Variants in SPACA7 observed in about 807,000 individuals in gnomAD.
SPACA7 encodes sperm acrosome-associated protein 7.
SPACA7 carries 19 observed loss-of-function variants against 26.3 expected under a neutral mutation model. The ratio of observed to expected loss-of-function variants is 0.72; its 90% CI spans 0.50 to 1.06. SPACA7 has a LOEUF of 1.06. Ranked by LOEUF, SPACA7 falls within the 50% of genes least tolerant of loss-of-function variation. The probability of loss-of-function intolerance (pLI) is 0.00; values close to 1 mark genes in which losing one functional copy is unlikely to be tolerated. For synonymous variants in SPACA7, 84 were observed against 84.5 expected (o/e 0.99, Z 0.04); for missense variants, 211 against 229.9 (o/e 0.92, Z 0.53).
At chr13:112,408,373 A>G (rs1649198529) in intron 5 of SPACA7, among the ~76,000 whole-genome samples, 1 of 152,184 alleles carries the variant, frequency 6.6e-6, no homozygotes, top group Non-Finnish European at 1.5e-5. Context: ...AGCCAGGGCA[A>G]TCAGGCAGGA....
chr13:112,404,014 T>C (rs910960467), intron 5 of SPACA7, among the ~76,000 whole-genome samples: 4 of 152,242 alleles, frequency 2.6e-5, no homozygotes, highest in Non-Finnish European at 4.4e-5. Context: ...TTTTCCATAG[T>C]GGTTGTACCA....
rs1877564221 is a variant in SPACA7 at position 112,434,675 on chromosome 13, C to T, written c.*126C>T. ...TGAACCATTCCACATAAAGGAAAAT[C>T]GTTTATTCACACGATCCCAATTGGA... On this transcript the variant is annotated 3_prime_UTR_variant, in exon 7 of 7. Transcript: ENST00000283550. The T allele has an allele frequency of 9.7e-6, 7 of 725,256 alleles. No homozygotes were observed. In the Admixed American group the frequency reaches 1.5e-4, roughly 16 times the overall value. The allele number at this position is 725,256 out of a possible 1,614,324, so 44.9% of individuals were successfully genotyped here.
At chr13:112,376,548 C>G in intron 1 of SPACA7, 69 bp downstream of exon 1, 1 of 1,513,122 alleles carries the variant, frequency 6.6e-7, no homozygotes. Context: ...GCCTCTTCTC[C>G]CATGGGTTCC....
intron 5 of SPACA7, among the ~76,000 whole-genome samples, chr13:112,412,871 T>TA (rs1260224409): frequency 1.3e-5 from 2 of 152,140 alleles, no homozygotes; most frequent in African/African-American, 2.4e-5. Flanking sequence ...CCAGGAAACC[T>TA]AAAAAACACA....
At chr13:112,385,476 A>G (rs1224415685) in intron 1 of SPACA7, among the ~76,000 whole-genome samples, 1 of 152,210 alleles carries the variant, frequency 6.6e-6, no homozygotes, top group African/African-American at 2.4e-5. Flanking sequence ...GCAGCCTAGG[A>G]CATGAGACAC....
At chr13:112,411,492 T>C (rs1371520174) in intron 5 of SPACA7, among the ~76,000 whole-genome samples, 1 of 152,146 alleles carries the variant, frequency 6.6e-6, no homozygotes, top group Non-Finnish European at 1.5e-5. Flanking sequence ...AATAACATAT[T>C]GTTAACTGTA....
intron 1 of SPACA7, among the ~76,000 whole-genome samples, chr13:112,388,592 A>C (rs1884680858): frequency 6.6e-6 from 1 of 152,206 alleles, no homozygotes; most frequent in Admixed American, 6.5e-5. Flanking sequence ...CCATGGGTGG[A>C]TATCCAAAAA....
chr13:112,390,711 AAAC>A (rs1264994068), intron 1 of SPACA7, among the ~76,000 whole-genome samples: 1 of 152,218 alleles, frequency 6.6e-6, no homozygotes, highest in African/African-American at 2.4e-5. Context: ...ACGCACTTGT[AAAC>A]AACGAAATCT....
chr13:112,399,218 T>A lies in SPACA7; in HGVS notation c.349+45T>A. On this transcript the variant is annotated intron_variant, in intron 4 of 6. Coordinates refer to ENST00000283550, the MANE Select transcript of SPACA7 (RefSeq NM_145248.5). ...TACCCCTTCCCAAGTCCAGCTGTAA[T>A]GGGAGAGGTAGGAGGCAGGCAGACG... 6.7e-6 allele frequency: 7 copies of A among 1,045,432 alleles called. No homozygotes were observed. The South Asian group carries it at 7.6e-5, about 11-fold the overall frequency. 64.8% of individuals were successfully genotyped at this position (1,045,432 alleles called of 1,614,324 possible).
intron 4 of SPACA7, 25 bp from the exon 5 acceptor site, chr13:112,401,044 A>AT: frequency 6.3e-7 from 1 of 1,585,316 alleles, no homozygotes; most frequent in Non-Finnish European, 8.7e-7. Context: ...CATTTTCCCC[A>AT]TTTTTTCCAT....
intron 5 of SPACA7, among the ~76,000 whole-genome samples, chr13:112,419,500 C>G (rs552584520): frequency 5.3e-5 from 8 of 152,144 alleles, no homozygotes; most frequent in Non-Finnish European, 1.2e-4. Flanking sequence ...AAGCCTCTTG[C>G]GGAGGGGCAG....
chr13:112,434,178 C>T (rs59681494), intron 6 of SPACA7, among the ~76,000 whole-genome samples: 125 of 152,264 alleles, frequency 8.2e-4, no homozygotes, highest in African/African-American at 2.5e-3. Context: ...AGCCGGCCGC[C>T]ATGAGGGGAG....
chr13:112,387,789 G>A (rs1043528704), intron 1 of SPACA7, among the ~76,000 whole-genome samples: 1 of 152,138 alleles, frequency 6.6e-6, no homozygotes, highest in African/African-American at 2.4e-5. Context: ...TTCTTAATTT[G>A]CAAGATGCTG....
chr13:112,408,644 T>G (rs9577745), intron 5 of SPACA7, among the ~76,000 whole-genome samples: 12,383 of 151,942 alleles, frequency 0.081, 1,098 homozygotes, highest in East Asian at 0.28. Context: ...ATAAAATACC[T>G]AGGAATCCAA....
At chr13:112,403,946 AG>A (rs1402576526) in intron 5 of SPACA7, among the ~76,000 whole-genome samples, 4 of 152,204 alleles carry the variant, frequency 2.6e-5, no homozygotes, top group African/African-American at 4.8e-5. Context: ...ATGCAGTAGT[AG>A]GATTGCTGGA....
intron 1 of SPACA7, among the ~76,000 whole-genome samples, chr13:112,383,174 AAAG>A (rs1884297791): frequency 8.0e-6 from 1 of 125,160 alleles, no homozygotes; most frequent in South Asian, 2.6e-4. Context: ...AGAAAGAAAG[AAAG>A]AAAGAAAGAA....
At chr13:112,397,333 T>C (rs1359727957) in intron 2 of SPACA7, among the ~76,000 whole-genome samples, 1 of 152,160 alleles carries the variant, frequency 6.6e-6, no homozygotes, top group African/African-American at 2.4e-5. Context: ...CACTGCAGCC[T>C]GGCCTGGTGA....
intron 5 of SPACA7, among the ~76,000 whole-genome samples, chr13:112,430,170 C>CTGTGTGTGTGTGTG (rs1437758497): frequency 3.8e-4 from 44 of 115,078 alleles, no homozygotes; most frequent in African/African-American, 1.3e-3. Context: ...TTGCATCTCT[C>CTGTGTGTGTGTGTG]TCTCTGTGTG....
chr13:112,378,956 G>A (rs1883870271), intron 1 of SPACA7, among the ~76,000 whole-genome samples: 1 of 152,146 alleles, frequency 6.6e-6, no homozygotes, highest in African/African-American at 2.4e-5. Context: ...GAGTAATCAG[G>A]TGGGACAAAA....
Sources: gnomAD v4.1 joint callset for allele counts (sites outside exome capture counted in the v4.1 genomes callset) on GRCh38, gnomAD v4.1.1 for gene constraint, MANE v1.5 for transcripts, NCBI Gene and HGNC (gene_info 2026-07-23, HGNC 2026-07-21) for gene names.